The following TICRR variants were observed in gnomAD, a reference collection of about 807,000 sequenced individuals.
The protein encoded by TICRR is treslin.
Under a neutral mutation model 178.1 loss-of-function variants are expected in TICRR, and 132 were observed. That is an observed-to-expected ratio of 0.74 (90% CI 0.64 to 0.86). The LOEUF (loss-of-function observed/expected upper bound fraction) is 0.86. Among genes scored for constraint, TICRR ranks in the 40% least tolerant of loss-of-function variants. The pLI is 0.00. For synonymous variants in TICRR, 991 were observed against 900.7 expected (o/e 1.10, Z -1.79); for missense variants, 2,587 against 2,334.3 (o/e 1.11, Z -2.23).
At position 89,627,514 on chromosome 15, in the gene TICRR, T is replaced by C. The variant is rs1224588943; in HGVS notation, c.*428T>C. ...CAGCGCTTTGTAAACTGTGAAGCCA[T>C]ATACGTGAAACTGAAGAGTGCATTG... On this transcript the variant is annotated 3_prime_UTR_variant, in exon 22 of 22. Coordinates refer to ENST00000268138, the MANE Select transcript of TICRR (RefSeq NM_152259.4). The C allele has an allele frequency of 5.6e-6, 1 of 177,628 alleles. No individual in the cohort carries two copies. Among genetic ancestry groups the C allele is most frequent in the Non-Finnish European group, 1.2e-5 (1 of 84,354 alleles). The allele number at this position is 177,628 out of a possible 1,614,324, so 11.0% of individuals were successfully genotyped here.
At position 89,585,748 on chromosome 15, in the gene TICRR, C is replaced by T. The variant is rs1295512849; in HGVS notation, c.1217C>T (p.Thr406Ile). The change falls in exon 4 of 22, where the codon ACT becomes ATT. Residue 406 changes from threonine (T) to isoleucine (I), a missense_variant. Thr to Ile is a moderately conservative substitution (Grantham distance 89, BLOSUM62 -1). Transcript: ENST00000268138. ...VDPGEGRPPI[T>I]GVISPLSASA... The stretch of plus-strand genomic sequence containing the variant: ...CCTGGTGAAGGCCGGCCCCCCATCA[C>T]TGGAGTTATTTCCCCACTCTCTGCC... The T allele has an allele frequency of 6.2e-7, 1 of 1,614,162 alleles. No homozygotes were observed. Among genetic ancestry groups the T allele is most frequent in the South Asian group, 1.1e-5 (1 of 91,074 alleles).
At chr15:89,621,347 A>C in intron 18 of TICRR, 46 bp from the exon 19 acceptor site, 2 of 1,569,604 alleles carry the variant, frequency 1.3e-6, no homozygotes, top group Non-Finnish European at 1.7e-6. Flanking sequence ...TTGGAAGAAC[A>C]GGAATTGAGA....
Position 89,594,541 on chromosome 15 carries a change from C to T in TICRR, c.1668C>T (p.Asp556=), listed in dbSNP as rs777087148. ...REESTIAHQE[D]SKKKRGVPRT... The stretch of plus-strand genomic sequence containing the variant: ...AATCCACTATAGCTCATCAAGAAGA[C>T]AGCAAAAAGAAACGTATGTACCTAG... Residue 556 remains aspartate (D), a synonymous_variant, in exon 6 of 22, where the codon GAC becomes GAT. Transcript: ENST00000268138. 1.9e-6 allele frequency: 3 copies of T among 1,597,516 alleles called. No individual in the cohort carries two copies. The highest frequency in any genetic ancestry group is 2.6e-6 in the Non-Finnish European group (3 of 1,171,938).
intron 2 of TICRR, among the ~76,000 whole-genome samples, chr15:89,583,545 G>T (rs1567040237): frequency 1.3e-5 from 2 of 152,138 alleles, no homozygotes; most frequent in African/African-American, 4.8e-5. Context: ...ATTTTCAAGA[G>T]TAGTTTTGTT....
At chr15:89,589,863 C>G (rs917794894) in intron 4 of TICRR, among the ~76,000 whole-genome samples, 1 of 151,998 alleles carries the variant, frequency 6.6e-6, no homozygotes, top group African/African-American at 2.4e-5. Context: ...TGCCTGTAAT[C>G]CCAGCTCCTC....
chr15:89,597,307 C>G (rs937774361), intron 7 of TICRR, among the ~76,000 whole-genome samples: 1 of 151,880 alleles, frequency 6.6e-6, no homozygotes, highest in African/African-American at 2.4e-5. Flanking sequence ...GCAGATCACC[C>G]GAGGTCAGTA....
chr15:89,589,497 A>C (rs755552112), intron 4 of TICRR, among the ~76,000 whole-genome samples: 17 of 152,066 alleles, frequency 1.1e-4, no homozygotes, highest in Non-Finnish European at 2.5e-4. Context: ...GAAGAGGTGC[A>C]GGTAACTCTG....
chr15:89,583,085 C>A, intron 2 of TICRR, 120 bp downstream of exon 2: 1 of 1,133,832 alleles, frequency 8.8e-7, no homozygotes, highest in Non-Finnish European at 1.2e-6. Context: ...GAATGCTTGT[C>A]ATGAAAGAAT....
intron 15 of TICRR, among the ~76,000 whole-genome samples, chr15:89,613,310 G>T (rs1353969921): frequency 6.6e-6 from 1 of 152,144 alleles, no homozygotes; most frequent in South Asian, 2.1e-4. Flanking sequence ...ATCTCATCAA[G>T]GATCTGTACA....
At chr15:89,609,064 C>T in intron 15 of TICRR, 115 bp downstream of exon 15, 2 of 735,916 alleles carry the variant, frequency 2.7e-6, no homozygotes, top group South Asian at 2.6e-5. Flanking sequence ...CTCTTTTTTC[C>T]TTCAGTCTAG....
Position 89,623,739 on chromosome 15 carries a change from A to C in TICRR, c.3429A>C (p.Ala1143=). The C allele has an allele frequency of 6.2e-7, 1 of 1,614,140 alleles. No individual in the cohort carries two copies. The highest frequency in any genetic ancestry group is 8.5e-7 in the Non-Finnish European group (1 of 1,180,020). Residue 1143 remains alanine, a synonymous_variant, in exon 20 of 22, where the codon GCA becomes GCC. Coordinates refer to ENST00000268138, the MANE Select transcript of TICRR (RefSeq NM_152259.4). ...CAGAAAGGCTGCAGAAGTCCCCTGC[A>C]AAAATGACCCCTACAAAGCAGGCAG... is the stretch of plus-strand genomic sequence containing the variant. ...YTPERLQKSP[A]KMTPTKQAAF...
chr15:89,585,628 A>T lies in TICRR; in HGVS notation c.1177-80A>T, dbSNP rs1962807476. Reference sequence around the variant, plus strand: ...GTTAATAATAATTGGGAAAATGGTTATTCTGTCTTTTAGTACACTACATTC... The same window carrying T: ...GTTAATAATAATTGGGAAAATGGTTTTTCTGTCTTTTAGTACACTACATTC... On this transcript the variant is annotated intron_variant, in intron 3 of 21. Transcript: ENST00000268138. The T allele has an allele frequency of 9.4e-6, 9 of 954,310 alleles. No homozygotes were observed. The East Asian group carries it at 2.3e-4, about 25-fold the overall frequency. 59.1% of individuals were successfully genotyped at this position (954,310 alleles called of 1,614,324 possible).
rs1181349484 is a variant in TICRR, at chr15:89,624,293, C to A, written c.3983C>A (p.Ser1328Tyr). ...DVSKKSPFRK[S>Y]KIECPSPGEL... is the part of the protein sequence containing the mutation. ...TCCAAGAAGAGTCCATTTAGGAAATCTAAAATAGAGTGTCCTTCCCCAGGA... is the reference window on the plus strand; with the variant it reads ...TCCAAGAAGAGTCCATTTAGGAAATATAAAATAGAGTGTCCTTCCCCAGGA... Residue 1328 changes from serine (S) to tyrosine (Y), a missense_variant, in exon 20 of 22, where the codon TCT (serine) becomes TAT (tyrosine). Coordinates refer to ENST00000268138, the MANE Select transcript of TICRR (RefSeq NM_152259.4). The A allele has an allele frequency of 1.9e-6, 3 of 1,614,184 alleles. No individual in the cohort carries two copies. Among genetic ancestry groups the A allele is most frequent in the Non-Finnish European group, 1.7e-6 (2 of 1,180,038 alleles).
rs1427245397 is a variant in TICRR at position 89,594,481 on chromosome 15, C to T, written c.1608C>T (p.Cys536=). 1 of 1,612,840 alleles carries T rather than the reference C, an allele frequency of 6.2e-7. No homozygotes were observed. The highest frequency in any genetic ancestry group is 1.3e-5 in the African/African-American group (1 of 74,848). Residue 536 remains cysteine, a synonymous_variant, in exon 6 of 22, where the codon TGC becomes TGT. Coordinates refer to ENST00000268138, the MANE Select transcript of TICRR (RefSeq NM_152259.4). Reference sequence around the variant, plus strand: ...AAACTGAAGGCGAATTAATACATTGCCTTGCCGAGCTCTACCAGAGAAAAT... The same window carrying T: ...AAACTGAAGGCGAATTAATACATTGTCTTGCCGAGCTCTACCAGAGAAAAT... The part of the protein sequence containing the change: ...SSKTEGELIH[C]LAELYQRKSR...
In TICRR at chr15:89,595,631, A is replaced by C. The variant is rs760286058; in HGVS notation, c.1900+20A>C. Reference sequence around the variant, plus strand: ...CTAAAGGTATTCCTCTTAGTCTATAATTTACTCTTTTATACCCCGCTTTTT... The same window carrying C: ...CTAAAGGTATTCCTCTTAGTCTATACTTTACTCTTTTATACCCCGCTTTTT... On this transcript the variant is annotated intron_variant, in intron 7 of 21. Transcript: ENST00000268138. 1.3e-6 allele frequency: 2 copies of C among 1,592,650 alleles called. No individual in the cohort carries two copies. Among genetic ancestry groups the C allele is most frequent in the Non-Finnish European group, 8.6e-7 (1 of 1,163,522 alleles).
chr15:89,580,600 T>G (rs1339207487), intron 1 of TICRR, among the ~76,000 whole-genome samples: 1 of 152,244 alleles, frequency 6.6e-6, no homozygotes, highest in African/African-American at 2.4e-5. Flanking sequence ...TTAGATAGAT[T>G]AGAAGATAAT....
In TICRR at chr15:89,601,766, G is replaced by C; in HGVS notation, c.2357G>C (p.Gly786Ala). Residue 786 changes from glycine (G) to alanine (A), a missense_variant, in exon 12 of 22, where the codon GGA becomes GCA. By Grantham distance (60) the Gly-to-Ala change is moderately conservative. Transcript: ENST00000268138. ...LYIDSIPKTL[G>A]NLYNSLGFVI... ...ATTGACTCTATCCCAAAGACACTTGGAAATCTTTACAACAGCCTAGGGTTT... is the reference window on the plus strand; with the variant it reads ...ATTGACTCTATCCCAAAGACACTTGCAAATCTTTACAACAGCCTAGGGTTT... 6.2e-7 allele frequency: 1 copy of C among 1,614,136 alleles called. No homozygotes were observed. The highest frequency in any genetic ancestry group is 1.3e-5 in the African/African-American group (1 of 75,030).
In TICRR at chr15:89,575,990, A is replaced by G. The variant is rs1240745528; in HGVS notation, c.404A>G (p.Asp135Gly). 3.1e-6 allele frequency: 5 copies of G among 1,606,764 alleles called. No homozygotes were observed. The highest frequency in any genetic ancestry group is 4.2e-6 in the Non-Finnish European group (5 of 1,177,754). ...CGGAGCAGCGGGAGGAGACTGCTGG[A>G]CGTGGAGAGCGAGGCCAAGGAGGCC... ...ILRSSGRRLL[D>G]VESEAKEAEA... The change falls in exon 1 of 22, where the codon GAC becomes GGC. Residue 135 changes from aspartate to glycine, a missense_variant. Transcript: ENST00000268138.
At position 89,575,801 on chromosome 15, in the gene TICRR, C is replaced by T; in HGVS notation, c.215C>T (p.Ser72Leu). Residue 72 changes from serine to leucine, a missense_variant, in exon 1 of 22, where the codon TCG (serine) becomes TTG (leucine). Transcript: ENST00000268138. ...VSDFRELGSR[S>L]WEDFEEELEA... ...GACTTCCGCGAGCTGGGGTCCCGCTCGTGGGAGGACTTTGAGGAGGAGCTG... is the reference window on the plus strand; with the variant it reads ...GACTTCCGCGAGCTGGGGTCCCGCTTGTGGGAGGACTTTGAGGAGGAGCTG... The T allele has an allele frequency of 6.2e-7, 1 of 1,604,952 alleles. No individual in the cohort carries two copies. The highest frequency in any genetic ancestry group is 8.5e-7 in the Non-Finnish European group (1 of 1,177,056).
Sources: gnomAD v4.1 joint callset for allele counts (sites outside exome capture counted in the v4.1 genomes callset) on GRCh38, gnomAD v4.1.1 for gene constraint, MANE v1.5 for transcripts, NCBI Gene and HGNC (gene_info 2026-07-23, HGNC 2026-07-21) for gene names.